Variants in RARG observed in about 807,000 individuals in gnomAD.
RARG encodes retinoic acid receptor gamma.
In RARG, 17 loss-of-function variants were observed where a neutral mutation model predicts 43.7. That is an observed-to-expected ratio of 0.39 (90% confidence interval 0.27 to 0.58). The LOEUF (loss-of-function observed/expected upper bound fraction) is 0.58, where lower values mean the gene tolerates loss of function less well. Among genes scored for constraint, RARG ranks in the 20% least tolerant of loss-of-function variants. The pLI, the probability that RARG is intolerant of heterozygous loss-of-function variation, is 0.57. For synonymous variants in RARG, 238 were observed against 236.4 expected, an observed-to-expected ratio of 1.01 and a Z score of -0.06; for missense variants, 346 against 598.7, an observed-to-expected ratio of 0.58 and a Z score of 4.40.
At chr12:53,221,821 C>T (rs1942973243) in intron 3 of RARG, among the ~76,000 whole-genome samples, 1 of 150,552 alleles carries the variant, frequency 6.6e-6, no homozygotes, top group Admixed American at 6.6e-5. Flanking sequence ...GGCAGCGCCG[C>T]GGAGCGGGAG....
At chr12:53,221,138 G>A (rs1942949061) in intron 3 of RARG, among the ~76,000 whole-genome samples, 2 of 91,492 alleles carry the variant, frequency 2.2e-5, no homozygotes, top group South Asian at 3.9e-4. Flanking sequence ...CGCCCAGGCC[G>A]TCTTCAGCGC....
At position 53,232,017 on chromosome 12, in the gene RARG, C is replaced by G. The variant is rs932445122; in HGVS notation, c.-253G>C. The G allele has an allele frequency of 1.8e-5, 7 of 397,818 alleles. No homozygotes were observed. Among genetic ancestry groups the G allele is most frequent in the Non-Finnish European group, 4.4e-6 (1 of 225,662 alleles). The allele number at this position is 397,818 out of a possible 1,614,324, so 24.6% of individuals were successfully genotyped here. A position where few individuals can be genotyped will look rare whatever the true frequency, so the allele number is the denominator to read the frequency against. ...GGGAGGCGGCGGAGCCCCGAGGTCC[C>G]GGCGTCGGGCAGTCTCTTGGATGGA... On this transcript the variant is annotated 5_prime_UTR_variant, in exon 1 of 10. Transcript: ENST00000425354.
At chr12:53,216,850 G>GCA (rs1279234186) in intron 3 of RARG, among the ~76,000 whole-genome samples, 2 of 119,352 alleles carry the variant, frequency 1.7e-5, no homozygotes, top group Non-Finnish European at 1.7e-5. Flanking sequence ...GTGCGCGCGC[G>GCA]CGCGCGCGCG....
chr12:53,213,743 G>A lies in RARG; in HGVS notation c.814-43C>T, dbSNP rs778314603. The A allele has an allele frequency of 3.3e-6, 5 of 1,534,728 alleles. No individual in the cohort carries two copies. The highest frequency in any genetic ancestry group is 1.7e-5 in the Admixed American group (1 of 58,510). ...AGGAGGGTTAGTGCTGTTTCTGGGG[G>A]ATGGGGAAAAGAGGGAATGAGTGGA... is the stretch of plus-strand genomic sequence containing the variant. On this transcript the variant is annotated intron_variant, in intron 7 of 9. Coordinates refer to ENST00000425354, the MANE Select transcript of RARG (RefSeq NM_000966.6). This position sits in a 1 kb window ranked among gnomAD's most constrained non-coding sequence, Gnocchi z 4.7.
Position 53,215,234 on chromosome 12 carries a change from G to A in RARG, c.475+59C>T. The A allele has an allele frequency of 6.3e-7, 1 of 1,587,208 alleles. No homozygotes were observed. The highest frequency in any genetic ancestry group is 8.6e-7 in the Non-Finnish European group (1 of 1,165,154). On this transcript the variant is annotated intron_variant, in intron 5 of 9. Transcript: ENST00000425354. This position sits in a 1 kb window ranked among gnomAD's most constrained non-coding sequence, Gnocchi z 6.4. ...AAGTGGGAGTGGCCAGAGGAAAGAG[G>A]GCCACAGCCATAGGGTAGGACCGAA...
At position 53,214,551 on chromosome 12, in the gene RARG, A is replaced by G. The variant is rs756432578; in HGVS notation, c.531T>C (p.Pro177=). The change falls in exon 6 of 10, where the codon CCT becomes CCC. Residue 177 remains proline, a synonymous_variant. Transcript: ENST00000425354. ...KKKEVKEEGS[P]DSYELSPQLE... The stretch of plus-strand genomic sequence containing the variant: ...ACTGAGGGCTCAGCTCATAGCTGTC[A>G]GGTGACCCTTCTTCCTTCACCTCTT... 1.7e-5 allele frequency: 27 copies of G among 1,612,452 alleles called. No homozygotes were observed. The highest frequency in any genetic ancestry group is 2.3e-5 in the Non-Finnish European group (27 of 1,178,516).
chr12:53,214,800 G>T, intron 5 of RARG, 194 bp from the exon 6 acceptor site: 1 of 594,938 alleles, frequency 1.7e-6, no homozygotes, highest in Non-Finnish European at 2.8e-6. Context: ...CCCACCCAGG[G>T]CCTGCAGCCC....
At chr12:53,223,527 C>CT (rs971481635) in intron 3 of RARG, among the ~76,000 whole-genome samples, 2 of 148,724 alleles carry the variant, frequency 1.3e-5, no homozygotes, top group Admixed American at 6.7e-5. Context: ...CCCCCCGCCC[C>CT]CCCCCCGCCC....
In RARG at chr12:53,211,341, A is replaced by C. The variant is rs1942582317; in HGVS notation, c.*335T>G. 9.2e-6 allele frequency: 2 copies of C among 217,844 alleles called. No homozygotes were observed. Among genetic ancestry groups the C allele is most frequent in the Non-Finnish European group, 1.8e-5 (2 of 110,554 alleles). 13.5% of individuals were successfully genotyped at this position (217,844 alleles called of 1,614,324 possible). On this transcript the variant is annotated 3_prime_UTR_variant, in exon 10 of 10. Coordinates refer to ENST00000425354, the MANE Select transcript of RARG (RefSeq NM_000966.6). The surrounding 1 kb of genome is among the most constrained non-coding windows in gnomAD (Gnocchi z 4.6). ...AGAGAGCCAAGCACCTGGCAGAGGA[A>C]GGGGCTGTGGAATGGCAGGGTCTTC...
intron 3 of RARG, chr12:53,220,334 C>T (rs1942920856): frequency 7.4e-7 from 1 of 1,358,932 alleles, no homozygotes; most frequent in Non-Finnish European, 9.4e-7. Flanking sequence ...CCGTCCAGCT[C>T]TTATCTGGGT....
Position 53,215,159 on chromosome 12 carries a change from G to C in RARG, c.475+134C>G. ...GAATGGAGCTAATCAAATAAGACTG[G>C]CCTGGGAGAAGGCAGCACCCCAGGG... On this transcript the variant is annotated intron_variant, in intron 5 of 9. Coordinates refer to ENST00000425354, the MANE Select transcript of RARG (RefSeq NM_000966.6). The surrounding 1 kb of genome is among the most constrained non-coding windows in gnomAD (Gnocchi z 6.4). The C allele has an allele frequency of 9.1e-7, 1 of 1,103,538 alleles. No individual in the cohort carries two copies. Among genetic ancestry groups the C allele is most frequent in the Non-Finnish European group, 1.3e-6 (1 of 778,758 alleles). The allele number at this position is 1,103,538 out of a possible 1,614,324, so 68.4% of individuals were successfully genotyped here. A position where few individuals can be genotyped will look rare whatever the true frequency, so the allele number is the denominator to read the frequency against.
rs556432924 is a variant in RARG, at chr12:53,225,675, T to C, written c.184+1687A>G. On this transcript the variant is annotated intron_variant, in intron 3 of 9. Coordinates refer to ENST00000425354, the MANE Select transcript of RARG (RefSeq NM_000966.6). ...TTTCCCCCGCCCTTCAATCACCTTC[T>C]CTTGGCCCCAGTTGAAGCCTTCTCT... Among the ~76,000 whole-genome samples, 12 of 152,358 alleles carry C rather than the reference T, an allele frequency of 7.9e-5. No homozygotes were observed. In the South Asian group the frequency reaches 2.5e-3, roughly 32 times the overall value.
At chr12:53,218,888 C>G (rs1479957799) in intron 3 of RARG, among the ~76,000 whole-genome samples, 1 of 151,856 alleles carries the variant, frequency 6.6e-6, no homozygotes, top group African/African-American at 2.4e-5. Flanking sequence ...CACATCCCAG[C>G]CCAGGGTAAA....
In RARG at chr12:53,213,445, G is replaced by T; in HGVS notation, c.1018+51C>A. The stretch of plus-strand genomic sequence containing the variant: ...CTCCCAGACAGATTCCGCATGGAGT[G>T]GTGGGAAAGGAGACTGAGCACTGAG... On this transcript the variant is annotated intron_variant, in intron 8 of 9. Transcript: ENST00000425354. This position sits in a 1 kb window ranked among gnomAD's most constrained non-coding sequence, Gnocchi z 4.7. 1.3e-6 allele frequency: 2 copies of T among 1,580,552 alleles called. No individual in the cohort carries two copies. Among genetic ancestry groups the T allele is most frequent in the Non-Finnish European group, 1.7e-6 (2 of 1,153,948 alleles).
At chr12:53,230,867 GTGTGTGTGTGTGTGTA>G (rs1256340519) in intron 2 of RARG, among the ~76,000 whole-genome samples, 3 of 150,494 alleles carry the variant, frequency 2.0e-5, no homozygotes, top group African/African-American at 7.5e-5. Flanking sequence ...GTGTGTGTGT[GTGTGTGTGTGTGTGTA>G]TGTCTGTCTA....
Position 53,217,843 on chromosome 12 carries a change from CTCTT to C in RARG, c.185-2053_185-2050del, listed in dbSNP as rs1380158997. 2.0e-5 allele frequency among the ~76,000 whole-genome samples: 3 copies of C among 152,190 alleles called. No homozygotes were observed. The East Asian group carries it at 5.8e-4, about 29-fold the overall frequency. On this transcript the variant is annotated intron_variant, in intron 3 of 9. Coordinates refer to ENST00000425354, the MANE Select transcript of RARG (RefSeq NM_000966.6). ...CAGGCTGCGCGGAGCTTCAAACAAA[CTCTT>C]TATAACCGGCTGTAAACGCTCCCAG...
At position 53,211,616 on chromosome 12, in the gene RARG, A is replaced by T; in HGVS notation, c.*60T>A. ...CTCCCCCAGTCACTGGCGGTCTGGG[A>T]GATGGTCAGTCTGCTGCCTGAAGCC... On this transcript the variant is annotated 3_prime_UTR_variant, in exon 10 of 10. Transcript: ENST00000425354. This position sits in a 1 kb window ranked among gnomAD's most constrained non-coding sequence, Gnocchi z 4.6. 1 of 1,327,186 alleles carries T rather than the reference A, an allele frequency of 7.5e-7. No homozygotes were observed. The allele number at this position is 1,327,186 out of a possible 1,614,324, so 82.2% of individuals were successfully genotyped here. A position where few individuals can be genotyped will look rare whatever the true frequency, so the allele number is the denominator to read the frequency against.
At position 53,220,164 on chromosome 12, in the gene RARG, T is replaced by C. The variant is rs751127416; in HGVS notation, c.185-4370A>G. On this transcript the variant is annotated intron_variant, in intron 3 of 9. Transcript: ENST00000425354. Reference sequence around the variant, plus strand: ...CCAAGGACCCGCAGCCGATTCCCCCTCCTCCCCCGGCGGCGCCCCGCTCCA... The same window carrying C: ...CCAAGGACCCGCAGCCGATTCCCCCCCCTCCCCCGGCGGCGCCCCGCTCCA... 2.2e-6 allele frequency: 3 copies of C among 1,357,636 alleles called. No homozygotes were observed. In the South Asian group the frequency reaches 3.7e-5, roughly 17 times the overall value. 84.1% of individuals were successfully genotyped at this position (1,357,636 alleles called of 1,614,324 possible). A position where few individuals can be genotyped will look rare whatever the true frequency, so the allele number is the denominator to read the frequency against.
intron 3 of RARG, among the ~76,000 whole-genome samples, chr12:53,221,274 A>C (rs1942954446): frequency 6.6e-6 from 1 of 150,540 alleles, no homozygotes; most frequent in Non-Finnish European, 1.5e-5. Flanking sequence ...CCCGCAACTG[A>C]CGCCCCCTAA....
Sources: gnomAD v4.1 joint callset for allele counts (sites outside exome capture counted in the v4.1 genomes callset) on GRCh38, gnomAD v4.1.1 for gene constraint, Gnocchi (gnomAD v3.1) non-coding constraint, MANE v1.5 for transcripts, NCBI Gene and HGNC (gene_info 2026-07-23, HGNC 2026-07-21) for gene names.